Variants in RBFOX1 observed in about 807,000 individuals in gnomAD.
The protein encoded by RBFOX1 is RNA binding fox-1 homolog 1, also known as RNA binding protein fox-1 homolog 1.
Under a neutral mutation model 57.7 loss-of-function variants are expected in RBFOX1, and 8 were observed. That is an observed-to-expected ratio of 0.14 (90% confidence interval 0.08 to 0.25). The LOEUF is 0.25. Among genes scored for constraint, RBFOX1 ranks in the 10% least tolerant of loss-of-function variants. The pLI is 1.00. For synonymous variants in RBFOX1, 326 were observed against 222.4 expected, an observed-to-expected ratio of 1.47 and a Z score of -4.15; for missense variants, 611 against 548.5, an observed-to-expected ratio of 1.11 and a Z score of -1.14.
At chr16:7,647,257 G>A (rs2063930376) in intron 11 of RBFOX1, among the ~76,000 whole-genome samples, 2 of 152,190 alleles carry the variant, frequency 1.3e-5, no homozygotes, top group Admixed American at 1.3e-4. Flanking sequence ...TCAACAAGAT[G>A]CTCAATTGGT....
In RBFOX1 at chr16:5,424,929, TTCTTTC is replaced by T. The variant is rs1379802337; in HGVS notation, c.220-42283_220-42278del. ...TTTCTTTCTTTCTTTCTTTCTTTCTTTCTTTCTCTCTCTTCTTTCTTCCTTTGTTTC... is the reference window on the plus strand; with the variant it reads ...TTTCTTTCTTTCTTTCTTTCTTTCTTTCTCTCTTCTTTCTTCCTTTGTTTC... On this transcript the variant is annotated intron_variant, in intron 1 of 2. Coordinates refer to the RBFOX1 transcript ENST00000585867. Among the ~76,000 whole-genome samples, 7 of 110,708 alleles carry T rather than the reference TTCTTTC, an allele frequency of 6.3e-5. 1 individual carries two copies. In the East Asian group the frequency reaches 1.1e-3, roughly 18 times the overall value. The allele number at this position is 110,708 out of a possible 152,430, so 72.6% of individuals were successfully genotyped here.
chr16:6,785,825 A>C (rs2154241768), intron 3 of RBFOX1, among the ~76,000 whole-genome samples: 1 of 131,742 alleles, frequency 7.6e-6, no homozygotes, highest in South Asian at 2.3e-4. Context: ...TTACTTTAGA[A>C]TACAGAGCTA....
At chr16:7,209,896 T>G (rs2090776077) in intron 4 of RBFOX1, among the ~76,000 whole-genome samples, 1 of 152,150 alleles carries the variant, frequency 6.6e-6, no homozygotes, top group Admixed American at 6.5e-5. Context: ...GCCTGACCCC[T>G]AGTGCAGGGG....
At chr16:6,641,625 C>T (rs549667558) in intron 2 of RBFOX1, among the ~76,000 whole-genome samples, 257 of 151,832 alleles carry the variant, frequency 1.7e-3, no homozygotes, top group Non-Finnish European at 2.8e-3. Flanking sequence ...ATCCCAGCTA[C>T]TCAAGAGGCT....
intron 4 of RBFOX1, among the ~76,000 whole-genome samples, chr16:7,105,004 T>C (rs556670328): frequency 3.9e-4 from 59 of 152,270 alleles, no homozygotes; most frequent in African/African-American, 1.1e-3. Flanking sequence ...CTCTGCTTTC[T>C]TTGATTCAGT....
intron 2 of RBFOX1, among the ~76,000 whole-genome samples, chr16:6,403,952 G>C (rs1245773541): frequency 6.6e-6 from 1 of 152,088 alleles, no homozygotes; most frequent in East Asian, 1.9e-4. Context: ...CTGTCTGTAA[G>C]CCAGGAAAAG....
intron 3 of RBFOX1, among the ~76,000 whole-genome samples, chr16:5,639,321 C>T (rs151232590): frequency 6.6e-6 from 1 of 152,212 alleles, no homozygotes; most frequent in Non-Finnish European, 1.5e-5. Flanking sequence ...GCTGTTGTCT[C>T]AGAAGCATGG....
At chr16:6,690,394 T>A (rs1220012588) in intron 3 of RBFOX1, among the ~76,000 whole-genome samples, 5 of 152,122 alleles carry the variant, frequency 3.3e-5, no homozygotes, top group Admixed American at 6.5e-5. Flanking sequence ...AAAATTCATA[T>A]AAAGGGCCAT....
At chr16:5,760,550 C>G (rs965888113) in intron 3 of RBFOX1, among the ~76,000 whole-genome samples, 12 of 152,064 alleles carry the variant, frequency 7.9e-5, no homozygotes, top group African/African-American at 2.9e-4. Context: ...GTGGTGTATC[C>G]ATACCACAGA....
chr16:6,992,165 A>AT (rs2091580038), intron 3 of RBFOX1, among the ~76,000 whole-genome samples: 2 of 115,254 alleles, frequency 1.7e-5, no homozygotes, highest in Admixed American at 8.5e-5. Context: ...ATAGAGAAGC[A>AT]ATTTTTTGTT....
At chr16:6,622,410 A>G (rs11647913) in intron 2 of RBFOX1, among the ~76,000 whole-genome samples, 35,037 of 152,130 alleles carry the variant, frequency 0.23, 4,172 homozygotes, top group Admixed American at 0.29. Flanking sequence ...AGTTGCCTAC[A>G]GTATTCAGTA....
At chr16:7,092,387 A>G (rs193193928) in intron 4 of RBFOX1, among the ~76,000 whole-genome samples, 54 of 152,356 alleles carry the variant, frequency 3.5e-4, no homozygotes, top group Non-Finnish European at 6.3e-4. Flanking sequence ...ACTCTGTTTC[A>G]AAAAATGAGA....
At chr16:5,713,991 A>G (rs973326328) in intron 3 of RBFOX1, among the ~76,000 whole-genome samples, 6 of 152,280 alleles carry the variant, frequency 3.9e-5, no homozygotes, top group African/African-American at 1.4e-4. Flanking sequence ...GGTTTTAGGA[A>G]GCTCACTCAC....
chr16:5,336,749 C>T (rs944471201), intron 1 of RBFOX1, among the ~76,000 whole-genome samples: 3 of 152,202 alleles, frequency 2.0e-5, no homozygotes, highest in Non-Finnish European at 4.4e-5. Context: ...GGAACTGCCC[C>T]TCCAGCCCCC....
intron 3 of RBFOX1, among the ~76,000 whole-genome samples, chr16:6,763,990 C>T (rs756173052): frequency 6.6e-6 from 1 of 152,158 alleles, no homozygotes; most frequent in Non-Finnish European, 1.5e-5. Context: ...CAGTGGCCAT[C>T]AGGGAATGAG....
At chr16:5,584,023 C>A (rs1248104946) in intron 2 of RBFOX1, among the ~76,000 whole-genome samples, 1 of 152,170 alleles carries the variant, frequency 6.6e-6, no homozygotes, top group African/African-American at 2.4e-5. Flanking sequence ...TCTAATCAGC[C>A]TGCCTAGTAC....
intron 7 of RBFOX1, 68 bp downstream of exon 7, chr16:7,587,368 A>C: frequency 7.1e-7 from 1 of 1,409,826 alleles, no homozygotes; most frequent in Non-Finnish European, 9.4e-7. Flanking sequence ...ATAAGGGGAA[A>C]CAACTGCACT....
intron 3 of RBFOX1, among the ~76,000 whole-genome samples, chr16:6,991,759 A>G (rs1004837996): frequency 6.6e-6 from 1 of 151,350 alleles, no homozygotes; most frequent in Admixed American, 6.6e-5. Context: ...CTGGTCTTGA[A>G]CTCCTGAGCC....
At chr16:5,421,198 A>G (rs2067315387) in intron 1 of RBFOX1, among the ~76,000 whole-genome samples, 2 of 150,802 alleles carry the variant, frequency 1.3e-5, no homozygotes, top group East Asian at 2.0e-4. Flanking sequence ...GGTAGAGATG[A>G]GGTTTCACCA....
Sources: allele counts gnomAD v4.1 joint callset (sites outside exome capture counted in the v4.1 genomes callset), GRCh38; gene constraint gnomAD v4.1.1; transcripts MANE v1.5; gene names NCBI Gene and HGNC (gene_info 2026-07-23, HGNC 2026-07-21).